The following TKTL1 variants were observed in gnomAD, a reference collection of about 807,000 sequenced individuals.
TKTL1 encodes the protein transketolase like 1, also known as transketolase-like protein 1.
TKTL1 carries 1 observed loss-of-function variant against 39.3 expected under a neutral mutation model. The observed-to-expected ratio is 0.03, with a 90% confidence interval of 0.01 to 0.12. TKTL1 has a LOEUF of 0.12. Ranked by LOEUF, TKTL1 falls within the 10% of genes least tolerant of loss-of-function variation. The probability of loss-of-function intolerance (pLI) is 1.00; values close to 1 mark genes in which losing one functional copy is unlikely to be tolerated. For synonymous variants in TKTL1, 262 were observed against 193.8 expected, an observed-to-expected ratio of 1.35 and a Z score of -2.92; for missense variants, 575 against 509.6, an observed-to-expected ratio of 1.13 and a Z score of -1.24.
At chrX:154,314,535 T>A (rs2067382597) in intron 6 of TKTL1, among the ~76,000 whole-genome samples, 1 of 109,750 alleles carries the variant, frequency 9.1e-6, no homozygotes, top group Non-Finnish European at 1.9e-5. Context: ...AACTCAACAT[T>A]TTTTTTTTGA....
At chrX:154,324,052 A>T (rs781830853) in intron 9 of TKTL1, among the ~76,000 whole-genome samples, 5 of 109,593 alleles carry the variant, frequency 4.6e-5, no homozygotes, top group African/African-American at 1.7e-4. Flanking sequence ...CTTTCCAAGC[A>T]CTCATGGGCG....
intron 9 of TKTL1, among the ~76,000 whole-genome samples, chrX:154,324,765 C>T (rs73629189): frequency 0.032 from 3,560 of 111,727 alleles, 145 homozygotes; most frequent in African/African-American, 0.11. Context: ...AGCGTATGAA[C>T]GAACAGTAGC....
intron 6 of TKTL1, among the ~76,000 whole-genome samples, chrX:154,314,768 A>G (rs1365280128): frequency 1.8e-5 from 2 of 111,057 alleles, no homozygotes; most frequent in Non-Finnish European, 3.8e-5. Context: ...CAGGTGGTCC[A>G]CCTGCCTCAG....
intron 2 of TKTL1, among the ~76,000 whole-genome samples, chrX:154,308,931 T>C (rs1305747135): frequency 6.3e-5 from 7 of 110,976 alleles, no homozygotes; most frequent in Non-Finnish European, 1.3e-4. Context: ...ACATGTGATT[T>C]GTGCATGACC....
Position 154,305,401 on chromosome X carries a change from G to C in TKTL1, c.232G>C (p.Asp78His). 1 of 1,209,574 alleles carries C rather than the reference G, an allele frequency of 8.3e-7. No homozygotes were observed. The highest frequency in any genetic ancestry group is 1.1e-6 in the Non-Finnish European group (1 of 894,135). The change falls in exon 2 of 13, where the codon GAC becomes CAC. Residue 78 changes from aspartate (D) to histidine (H), a missense_variant. Asp to His is a moderately conservative substitution (Grantham distance 81, BLOSUM62 -1). Transcript: ENST00000369915. Reference protein sequence around the residue: ...KQSDPENPDNDRFVLAKRLSF... With the variant: ...KQSDPENPDNHRFVLAKRLSF... ...GTCAGATCCAGAGAATCCGGACAACGACCGATTTGTCCTCGCAAAGGTATG... is the reference window on the plus strand; with the variant it reads ...GTCAGATCCAGAGAATCCGGACAACCACCGATTTGTCCTCGCAAAGGTATG...
chrX:154,308,014 A>ACCAT (rs1160795394), intron 2 of TKTL1, among the ~76,000 whole-genome samples: 2 of 111,709 alleles, frequency 1.8e-5, no homozygotes, highest in African/African-American at 6.5e-5. Flanking sequence ...AATCGTAAAT[A>ACCAT]CCATCCATCC....
chrX:154,302,395 C>T (rs1344796742), intron 1 of TKTL1, among the ~76,000 whole-genome samples: 1 of 111,427 alleles, frequency 9.0e-6, no homozygotes, highest in Non-Finnish European at 1.9e-5. Context: ...ATTCGTCTCT[C>T]ACTGTCTGGA....
intron 6 of TKTL1, among the ~76,000 whole-genome samples, chrX:154,313,066 G>T (rs1171779494): frequency 8.9e-6 from 1 of 112,032 alleles, no homozygotes; most frequent in African/African-American, 3.2e-5. Flanking sequence ...CACCCAGTAG[G>T]TACTTGATCT....
chrX:154,310,939 A>G lies in TKTL1; in HGVS notation c.454A>G (p.Ile152Val), dbSNP rs146510737. 1.4e-3 allele frequency: 1,746 copies of G among 1,210,414 alleles called. 3 individuals are homozygous for G. Among genetic ancestry groups the G allele is most frequent in the Non-Finnish European group, 1.7e-3 (1,547 of 895,263 alleles). Reference protein sequence around the residue: ...SYYSLDNLVAIFDVNRLGHSG... With the variant: ...SYYSLDNLVAVFDVNRLGHSG... The stretch of plus-strand genomic sequence containing the variant: ...CTACAGTCTGGACAATCTTGTGGCA[A>G]TCTTTGATGTGAACCGCCTGGGACA... Residue 152 changes from isoleucine to valine, a missense_variant, in exon 4 of 13, where the codon ATC (isoleucine) becomes GTC (valine). By Grantham distance (29) the Ile-to-Val change is conservative. Transcript: ENST00000369915.
intron 7 of TKTL1, among the ~76,000 whole-genome samples, chrX:154,319,065 G>T (rs1400804881): frequency 3.6e-5 from 4 of 111,225 alleles, no homozygotes; most frequent in Non-Finnish European, 7.5e-5. Context: ...CTTGTAGTTT[G>T]AATGTGATAG....
At chrX:154,307,683 A>G (rs927912492) in intron 2 of TKTL1, among the ~76,000 whole-genome samples, 1 of 112,547 alleles carries the variant, frequency 8.9e-6, no homozygotes, top group Non-Finnish European at 1.9e-5. Context: ...CTGGCCTCAC[A>G]CTTCACAGCC....
intron 1 of TKTL1, among the ~76,000 whole-genome samples, chrX:154,304,054 C>G (rs1476807791): frequency 9.0e-6 from 1 of 110,504 alleles, no homozygotes; most frequent in Non-Finnish European, 1.9e-5. Flanking sequence ...TGTCACCCCC[C>G]TTTCTACCGA....
intron 3 of TKTL1, among the ~76,000 whole-genome samples, chrX:154,310,557 T>C (rs2067348823): frequency 8.9e-6 from 1 of 112,646 alleles, no homozygotes; most frequent in African/African-American, 3.2e-5. Flanking sequence ...TGGCCCTGTT[T>C]GCTTATTGAT....
chrX:154,323,487 A>T (rs782102882), intron 9 of TKTL1, 150 bp downstream of exon 9: 1 of 662,957 alleles, frequency 1.5e-6, no homozygotes, highest in Non-Finnish European at 2.2e-6. Context: ...AAAACAGGAG[A>T]TTATGCACAC....
chrX:154,316,711 A>G (rs2067402830), intron 7 of TKTL1, among the ~76,000 whole-genome samples: 1 of 108,495 alleles, frequency 9.2e-6, no homozygotes, highest in African/African-American at 3.4e-5. Context: ...ACAGCTCCCC[A>G]TGCTCTGCTG....
rs2067339057 is a variant in TKTL1 at position 154,309,457 on chromosome X, C to T, written c.350+15C>T. 2 of 1,181,313 alleles carry T rather than the reference C, an allele frequency of 1.7e-6. No individual in the cohort carries two copies. Among genetic ancestry groups the T allele is most frequent in the African/African-American group, 1.8e-5 (1 of 55,964 alleles). ...GACAGGGCCAGGTGAGGTTCTTCCC[C>T]AGAAGCCATTTAACTGCCCTACATC... On this transcript the variant is annotated intron_variant, in intron 3 of 12. Transcript: ENST00000369915.
intron 2 of TKTL1, among the ~76,000 whole-genome samples, chrX:154,305,867 C>A (rs1396452883): frequency 9.0e-6 from 1 of 111,436 alleles, no homozygotes; most frequent in African/African-American, 3.3e-5. Context: ...ATGGGCACTT[C>A]TCATGAGATT....
At chrX:154,302,663 C>T (rs1289615518) in intron 1 of TKTL1, among the ~76,000 whole-genome samples, 1 of 111,784 alleles carries the variant, frequency 8.9e-6, no homozygotes, top group African/African-American at 3.3e-5. Context: ...AGTCCATGGC[C>T]TCCCGTACCT....
At chrX:154,315,665 C>T in intron 7 of TKTL1, among the ~76,000 whole-genome samples, 1 of 111,795 alleles carries the variant, frequency 8.9e-6, no homozygotes, top group East Asian at 2.8e-4. Context: ...CTAGTAGCTC[C>T]TTCTGCCCAA....
Sources: allele counts gnomAD v4.1 joint callset (sites outside exome capture counted in the v4.1 genomes callset), GRCh38; gene constraint gnomAD v4.1.1; transcripts MANE v1.5; gene names NCBI Gene and HGNC (gene_info 2026-07-23, HGNC 2026-07-21).